PRMT3: variants seen among roughly 807,000 people sequenced by gnomAD.
PRMT3 encodes protein arginine N-methyltransferase 3.
Under a neutral mutation model 71.9 loss-of-function variants are expected in PRMT3, and 62 were observed. The ratio of observed to expected loss-of-function variants is 0.86; its 90% CI spans 0.70 to 1.07. PRMT3 has a LOEUF of 1.07. PRMT3 is among the 50% of genes least tolerant of loss of function. PRMT3 has a pLI of 0.00. For synonymous variants in PRMT3, 213 were observed against 220.4 expected, an observed-to-expected ratio of 0.97 and a Z score of 0.30; for missense variants, 663 against 643.0, an observed-to-expected ratio of 1.03 and a Z score of -0.34.
chr11:20,420,666 A>G (rs528727372), intron 9 of PRMT3, among the ~76,000 whole-genome samples: 44 of 152,326 alleles, frequency 2.9e-4, no homozygotes, highest in Non-Finnish European at 4.1e-4. Context: ...CCCCAGGTCC[A>G]TGGAAAGATT....
chr11:20,428,823 C>T (rs1244777449), intron 10 of PRMT3, among the ~76,000 whole-genome samples: 1 of 152,174 alleles, frequency 6.6e-6, no homozygotes, highest in Non-Finnish European at 1.5e-5. Context: ...GCATTTCTTC[C>T]CTTCTTACTT....
At chr11:20,439,435 A>G (rs1208105975) in intron 10 of PRMT3, among the ~76,000 whole-genome samples, 1 of 152,102 alleles carries the variant, frequency 6.6e-6, no homozygotes, top group Non-Finnish European at 1.5e-5. Context: ...CTGTTACTCC[A>G]CTGATGTCTC....
At chr11:20,482,944 A>G (rs141590309) in intron 13 of PRMT3, among the ~76,000 whole-genome samples, 76 of 152,158 alleles carry the variant, frequency 5.0e-4, no homozygotes, top group African/African-American at 1.6e-3. Context: ...TTCCCACTCT[A>G]TATATCAGGT....
chr11:20,450,636 A>G (rs1350713994), intron 10 of PRMT3, among the ~76,000 whole-genome samples: 2 of 152,138 alleles, frequency 1.3e-5, no homozygotes, highest in African/African-American at 2.4e-5. Context: ...TTTTTGTATC[A>G]ATGAATCAGT....
At chr11:20,438,306 C>A (rs1295711130) in intron 10 of PRMT3, among the ~76,000 whole-genome samples, 3 of 148,466 alleles carry the variant, frequency 2.0e-5, no homozygotes, top group Non-Finnish European at 4.5e-5. Flanking sequence ...ACAGTAGTGA[C>A]TTTAGACACT....
At chr11:20,433,738 G>A (rs899288883) in intron 10 of PRMT3, among the ~76,000 whole-genome samples, 1 of 151,832 alleles carries the variant, frequency 6.6e-6, no homozygotes, top group Non-Finnish European at 1.5e-5. Context: ...CTCCAACCTC[G>A]GCCTCCAGAG....
chr11:20,400,071 CTTATA>C (rs1358578383), intron 7 of PRMT3, among the ~76,000 whole-genome samples: 5 of 152,154 alleles, frequency 3.3e-5, no homozygotes, highest in Non-Finnish European at 7.4e-5. Flanking sequence ...TGAAGCATGC[CTTATA>C]TCACAGCTTT....
intron 15 of PRMT3, among the ~76,000 whole-genome samples, chr11:20,504,743 A>AGAGAGAGC (rs1565243530): frequency 1.4e-5 from 2 of 145,706 alleles, no homozygotes; most frequent in African/African-American, 5.1e-5. Context: ...AGAGAGAGAG[A>AGAGAGAGC]GAGCGAGAGC....
intron 13 of PRMT3, among the ~76,000 whole-genome samples, chr11:20,483,823 T>TTTTAC (rs1851005168): frequency 6.6e-6 from 1 of 152,190 alleles, no homozygotes; most frequent in Non-Finnish European, 1.5e-5. Context: ...TCTTTAAGGT[T>TTTTAC]TTTACTTTAA....
At chr11:20,475,141 CAGCTACAT>C (rs1434602486) in intron 13 of PRMT3, among the ~76,000 whole-genome samples, 2 of 152,210 alleles carry the variant, frequency 1.3e-5, no homozygotes, top group Non-Finnish European at 2.9e-5. Context: ...GCCTGTGTAA[CAGCTACAT>C]AGGATAGGGC....
chr11:20,474,457 T>G (rs1590091468), intron 13 of PRMT3, among the ~76,000 whole-genome samples: 1 of 152,234 alleles, frequency 6.6e-6, no homozygotes, highest in Non-Finnish European at 1.5e-5. Context: ...GACAGATCTC[T>G]GGCCTTGCCA....
intron 13 of PRMT3, among the ~76,000 whole-genome samples, chr11:20,487,370 G>A (rs983007797): frequency 1.3e-5 from 2 of 151,996 alleles, no homozygotes; most frequent in Non-Finnish European, 2.9e-5. Context: ...TATACCTTAC[G>A]GCCATGAAAA....
chr11:20,506,397 C>A (rs555770906), intron 15 of PRMT3, among the ~76,000 whole-genome samples: 40 of 151,770 alleles, frequency 2.6e-4, no homozygotes, highest in African/African-American at 9.4e-4. Flanking sequence ...TATATACGTA[C>A]ACAAAAATTG....
At position 20,493,971 on chromosome 11, in the gene PRMT3, TA is replaced by T; in HGVS notation, c.1398+4del. On this transcript the variant is annotated splice_donor_region_variant and intron_variant, in intron 14 of 15. Coordinates refer to ENST00000331079, the MANE Select transcript of PRMT3 (RefSeq NM_005788.4). ...TTTGAGAAGAATTGCCACAACAGGG[TA>T]AGTATCATGAATTATCTCATAAGAA... 1 of 1,581,952 alleles carries T rather than the reference TA, an allele frequency of 6.3e-7. No homozygotes were observed. The highest frequency in any genetic ancestry group is 8.7e-7 in the Non-Finnish European group (1 of 1,155,722).
chr11:20,411,997 C>T (rs1293826903), intron 9 of PRMT3, among the ~76,000 whole-genome samples: 1 of 151,914 alleles, frequency 6.6e-6, no homozygotes, highest in Admixed American at 6.6e-5. Flanking sequence ...GTTATTTTCC[C>T]CCTTTGTACA....
intron 10 of PRMT3, among the ~76,000 whole-genome samples, chr11:20,435,537 A>AT (rs1849743427): frequency 6.7e-6 from 1 of 149,210 alleles, no homozygotes; most frequent in Non-Finnish European, 1.5e-5. Context: ...ATCTAGTTTG[A>AT]TTTTTGTTTG....
chr11:20,505,784 CATT>C (rs1334110941), intron 15 of PRMT3, among the ~76,000 whole-genome samples: 2 of 151,106 alleles, frequency 1.3e-5, no homozygotes, highest in African/African-American at 2.4e-5. Context: ...AAACGTGTAT[CATT>C]GTTCATTAGT....
chr11:20,476,294 A>G (rs1850782560), intron 13 of PRMT3, among the ~76,000 whole-genome samples: 2 of 152,132 alleles, frequency 1.3e-5, no homozygotes, highest in African/African-American at 4.8e-5. Flanking sequence ...CAGAGGTTGC[A>G]GTGAGCTAGA....
chr11:20,481,753 A>T (rs1442516164), intron 13 of PRMT3, among the ~76,000 whole-genome samples: 1 of 152,064 alleles, frequency 6.6e-6, no homozygotes, highest in Non-Finnish European at 1.5e-5. Flanking sequence ...GGTGCACCTT[A>T]TGCATTGCTC....
Sources: gnomAD v4.1 joint callset for allele counts (sites outside exome capture counted in the v4.1 genomes callset) on GRCh38, gnomAD v4.1.1 for gene constraint, MANE v1.5 for transcripts, NCBI Gene and HGNC (gene_info 2026-07-23, HGNC 2026-07-21) for gene names.